Variants in FILIP1 observed in about 807,000 individuals in gnomAD.
The protein encoded by FILIP1 is filamin-A-interacting protein 1.
A neutral mutation model predicts 102.1 loss-of-function variants in FILIP1; 61 were observed. The observed-to-expected ratio is 0.60, with a 90% CI of 0.49 to 0.74. FILIP1 has a LOEUF of 0.74. FILIP1 is among the 30% of genes least tolerant of loss of function. The pLI is 0.00. For synonymous variants in FILIP1, 491 were observed against 526.9 expected (o/e 0.93, Z 0.93); for missense variants, 1,314 against 1,441.2 (o/e 0.91, Z 1.43).
chr6:75,324,401 C>T (rs1441352050), intron 4 of FILIP1, among the ~76,000 whole-genome samples: 2 of 141,038 alleles, frequency 1.4e-5, no homozygotes, highest in Admixed American at 1.4e-4. Flanking sequence ...AAGATCTCTA[C>T]AAGGAAAACT....
At chr6:75,353,488 T>C (rs775281543) in intron 4 of FILIP1, 51 bp downstream of exon 4, 2 of 1,596,008 alleles carry the variant, frequency 1.3e-6, no homozygotes, top group Non-Finnish European at 8.6e-7. Context: ...CGGGCAGACA[T>C]GAAAGGGCTA....
intron 4 of FILIP1, among the ~76,000 whole-genome samples, chr6:75,352,037 T>C (rs1303567690): frequency 6.6e-6 from 1 of 152,244 alleles, no homozygotes; most frequent in African/African-American, 2.4e-5. Flanking sequence ...TTAGCCATTG[T>C]TCACTTTTCC....
downstream of FILIP1, among the ~76,000 whole-genome samples, chr6:75,304,080 T>C (rs529240281): frequency 6.6e-6 from 1 of 151,996 alleles, no homozygotes; most frequent in Non-Finnish European, 1.5e-5. Context: ...AATATATATA[T>C]AGATATATGG....
At chr6:75,343,534 G>A (rs1400751283) in intron 4 of FILIP1, among the ~76,000 whole-genome samples, 4 of 152,132 alleles carry the variant, frequency 2.6e-5, no homozygotes, top group Non-Finnish European at 4.4e-5. Context: ...TCCTCTCAGA[G>A]AAACATCTTA....
intron 4 of FILIP1, among the ~76,000 whole-genome samples, chr6:75,327,999 CATG>C (rs1350258809): frequency 6.6e-6 from 1 of 152,152 alleles, no homozygotes; most frequent in Non-Finnish European, 1.5e-5. Context: ...TAAATGACCT[CATG>C]ATGATGCAAT....
chr6:75,468,256 T>C (rs1779228376), intron 1 of FILIP1, among the ~76,000 whole-genome samples: 1 of 152,188 alleles, frequency 6.6e-6, no homozygotes, highest in Non-Finnish European at 1.5e-5. Context: ...AGCTAAAAGA[T>C]GAACACTCAG....
intron 2 of FILIP1, among the ~76,000 whole-genome samples, chr6:75,396,095 A>C (rs1776451557): frequency 6.6e-6 from 1 of 151,636 alleles, no homozygotes; most frequent in Admixed American, 6.6e-5. Context: ...ATGAAAAAGA[A>C]TACTCTCCAA....
At chr6:75,425,485 C>G (rs1372198483) in intron 1 of FILIP1, among the ~76,000 whole-genome samples, 2 of 152,144 alleles carry the variant, frequency 1.3e-5, no homozygotes, top group Non-Finnish European at 2.9e-5. Context: ...CCTATCTTCT[C>G]TACCCTCCAG....
At chr6:75,377,334 G>T (rs893615346) in intron 2 of FILIP1, among the ~76,000 whole-genome samples, 4 of 152,174 alleles carry the variant, frequency 2.6e-5, no homozygotes, top group African/African-American at 9.7e-5. Flanking sequence ...TGTTTAAAAT[G>T]CCAAATAGTC....
intron 6 of FILIP1, among the ~76,000 whole-genome samples, chr6:75,300,350 A>G (rs575257174): frequency 4.6e-5 from 7 of 152,098 alleles, no homozygotes; most frequent in Non-Finnish European, 1.0e-4. Context: ...CCTGCTTCCC[A>G]TGTTCTATGG....
At chr6:75,383,633 A>G (rs569538346) in intron 2 of FILIP1, among the ~76,000 whole-genome samples, 1 of 152,340 alleles carries the variant, frequency 6.6e-6, no homozygotes, top group African/African-American at 2.4e-5. Flanking sequence ...CTGTAGATAT[A>G]CAAATGTAGT....
chr6:75,411,236 T>C (rs1187112836), intron 2 of FILIP1, among the ~76,000 whole-genome samples: 1 of 152,246 alleles, frequency 6.6e-6, no homozygotes, highest in African/African-American at 2.4e-5. Context: ...AAAATGTCTG[T>C]TCATATCTTT....
At chr6:75,319,830 CCA>C (rs1491458335) in intron 4 of FILIP1, 149 of 334,706 alleles carry the variant, frequency 4.5e-4, no homozygotes, top group South Asian at 1.2e-3. Flanking sequence ...ACTCCGTCCC[CCA>C]AAAAAAAAAA....
chr6:75,475,140 A>C (rs1447519818), intron 1 of FILIP1, among the ~76,000 whole-genome samples: 1 of 152,186 alleles, frequency 6.6e-6, no homozygotes, highest in African/African-American at 2.4e-5. Flanking sequence ...TGGACTAATA[A>C]AGGTTTAATT....
In FILIP1 at chr6:75,321,256, G is replaced by A. The variant is rs376034225; in HGVS notation, c.630-6054C>T. 2.6e-5 allele frequency among the ~76,000 whole-genome samples: 4 copies of A among 151,506 alleles called. No individual in the cohort carries two copies. The South Asian group carries it at 6.4e-4, about 24-fold the overall frequency. On this transcript the variant is annotated intron_variant, in intron 4 of 5. Transcript: ENST00000237172. ...TTGTTTTTTGTTTTGTTTTTTTAAA[G>A]GAAAGGGATTTTCACCCACAGTTGG...
At chr6:75,336,139 T>C (rs1044214446) in intron 4 of FILIP1, among the ~76,000 whole-genome samples, 4 of 152,202 alleles carry the variant, frequency 2.6e-5, no homozygotes, top group Admixed American at 2.6e-4. Context: ...AAACTGACAT[T>C]GAAGAAGAAA....
At chr6:75,432,956 C>G (rs934545350) in intron 1 of FILIP1, among the ~76,000 whole-genome samples, 1 of 152,084 alleles carries the variant, frequency 6.6e-6, no homozygotes, top group Non-Finnish European at 1.5e-5. Flanking sequence ...TGATAGTTTG[C>G]TCCAAATGAT....
intron 1 of FILIP1, among the ~76,000 whole-genome samples, chr6:75,453,392 G>C (rs982559269): frequency 6.6e-6 from 1 of 152,156 alleles, no homozygotes; most frequent in African/African-American, 2.4e-5. Context: ...TCCACTAAGG[G>C]TTGGATAATA....
chr6:75,451,809 G>A (rs933076333), intron 1 of FILIP1, among the ~76,000 whole-genome samples: 4 of 152,022 alleles, frequency 2.6e-5, no homozygotes, highest in African/African-American at 9.7e-5. Context: ...ACTCCAGCCT[G>A]GGCATTGCAG....
Sources: allele counts gnomAD v4.1 joint callset (sites outside exome capture counted in the v4.1 genomes callset), GRCh38; gene constraint gnomAD v4.1.1; transcripts MANE v1.5; gene names NCBI Gene and HGNC (gene_info 2026-07-23, HGNC 2026-07-21).